The following CDC20B variants were observed in gnomAD, a reference collection of about 807,000 sequenced individuals.
CDC20B encodes the protein cell division cycle 20B.
CDC20B carries 58 observed loss-of-function variants against 64.1 expected under a neutral mutation model. That is an observed-to-expected ratio of 0.90 (90% CI 0.73 to 1.13). The LOEUF (loss-of-function observed/expected upper bound fraction) is 1.13. Among genes scored for constraint, CDC20B ranks in the 50% most tolerant of loss-of-function variants. CDC20B has a pLI of 0.00. For synonymous variants in CDC20B, 243 were observed against 230.6 expected (o/e 1.05, Z -0.49); for missense variants, 597 against 633.0 (o/e 0.94, Z 0.61).
At chr5:55,161,989 C>CG (rs1432968545) in intron 2 of CDC20B, among the ~76,000 whole-genome samples, 1 of 151,322 alleles carries the variant, frequency 6.6e-6, no homozygotes, top group Non-Finnish European at 1.5e-5. Flanking sequence ...TCAATAGTAC[C>CG]GCCTTCTTAA....
chr5:55,122,923 A>G (rs1367742895), intron 9 of CDC20B, among the ~76,000 whole-genome samples: 1 of 152,230 alleles, frequency 6.6e-6, no homozygotes, highest in Non-Finnish European at 1.5e-5. Flanking sequence ...ACATTTTCCC[A>G]GAATCCTTAC....
At chr5:55,172,788 C>A in intron 1 of CDC20B, 138 bp from the exon 2 acceptor site, 1 of 806,830 alleles carries the variant, frequency 1.2e-6, no homozygotes, top group South Asian at 1.7e-5. Context: ...CAACTAGGCA[C>A]CTTCAGAATA....
intron 2 of CDC20B, among the ~76,000 whole-genome samples, chr5:55,152,027 A>T (rs1246631835): frequency 1.3e-5 from 2 of 152,254 alleles, no homozygotes; most frequent in East Asian, 3.8e-4. Flanking sequence ...AGAGGAAGGC[A>T]GAGGGAGATG....
At position 55,113,074 on chromosome 5, in the gene CDC20B, CA is replaced by C. The variant is rs1162852673; in HGVS notation, c.*1143del. The C allele has an allele frequency of 6.6e-6, 1 of 152,122 alleles. No homozygotes were observed. Among genetic ancestry groups the C allele is most frequent in the Non-Finnish European group, 1.5e-5 (1 of 68,050 alleles). 9.4% of individuals were successfully genotyped at this position (152,122 alleles called of 1,614,324 possible). On this transcript the variant is annotated 3_prime_UTR_variant, in exon 12 of 12. Coordinates refer to ENST00000381375, the MANE Select transcript of CDC20B (RefSeq NM_001170402.1). ...AACTCAAACCCAGGTAACATCATTT[CA>C]AAACACTTCCTGGAGAGGTTAGGAC...
intron 2 of CDC20B, among the ~76,000 whole-genome samples, chr5:55,151,433 T>C (rs1480498927): frequency 1.3e-5 from 2 of 152,110 alleles, no homozygotes; most frequent in Admixed American, 1.3e-4. Flanking sequence ...GAAGATAAAC[T>C]TAGTTTGCAG....
Position 55,144,061 on chromosome 5 carries a change from A to G in CDC20B, c.356-418T>C, listed in dbSNP as rs1327029129. ...GATAGAAACAGTTCCATAGTTTTAA[A>G]TGATAGTGGAAAGAGTATCTGGTTT... On this transcript the variant is annotated intron_variant, in intron 3 of 11. Transcript: ENST00000381375. Among the ~76,000 whole-genome samples the G allele has an allele frequency of 2.0e-5, 3 of 152,020 alleles. No homozygotes were observed. The East Asian group carries it at 5.8e-4, about 29-fold the overall frequency.
chr5:55,161,170 A>G, intron 2 of CDC20B: 1 of 1,614,226 alleles, frequency 6.2e-7, no homozygotes, highest in Non-Finnish European at 8.5e-7. Context: ...CTTTTGCAAG[A>G]AAAAACTACG....
chr5:55,132,846 C>T (rs1377243203), intron 6 of CDC20B, among the ~76,000 whole-genome samples: 2 of 152,114 alleles, frequency 1.3e-5, no homozygotes, highest in African/African-American at 4.8e-5. Context: ...TTAACAATAC[C>T]AAAAATGGTC....
chr5:55,138,692 G>A lies in CDC20B; in HGVS notation c.580+1622C>T, dbSNP rs147728811. ...ATAAAATAATATTGTCAGAGATATA[G>A]GAGAAGATAGTATATCCATGAAGCA... On this transcript the variant is annotated intron_variant, in intron 5 of 11. Coordinates refer to ENST00000381375, the MANE Select transcript of CDC20B (RefSeq NM_001170402.1). Among the ~76,000 whole-genome samples the A allele has an allele frequency of 8.0e-5, 12 of 150,790 alleles. No homozygotes were observed. The East Asian group carries it at 2.3e-3, about 29-fold the overall frequency.
At chr5:55,133,283 T>C (rs1743075346) in intron 6 of CDC20B, 129 bp downstream of exon 6, 1 of 458,474 alleles carries the variant, frequency 2.2e-6, no homozygotes, top group African/African-American at 2.0e-5. Flanking sequence ...TTAGCCATAT[T>C]TGGATGCTAC....
chr5:55,140,011 C>CA (rs1174912608), intron 5 of CDC20B, among the ~76,000 whole-genome samples: 5 of 151,442 alleles, frequency 3.3e-5, no homozygotes, highest in African/African-American at 1.2e-4. Flanking sequence ...TGAGCAACAC[C>CA]AAAAACAAAA....
chr5:55,124,842 G>T lies in CDC20B; in HGVS notation c.1176C>A (p.Gly392=). ...ACTGGGTTATGACTTTCAGCGGTTG[G>T]CCCTGTGCACTGGCACCTGGATCGT... ...WPHDPGASAQ[G]QPLKVITQST... Residue 392 remains glycine, a synonymous_variant, in exon 9 of 12, where the codon GGC becomes GGA. Transcript: ENST00000381375. 1 of 1,614,118 alleles carries T rather than the reference G, an allele frequency of 6.2e-7. No homozygotes were observed. Among genetic ancestry groups the T allele is most frequent in the Non-Finnish European group, 8.5e-7 (1 of 1,180,012 alleles).
chr5:55,151,140 CT>C (rs1743656651), intron 2 of CDC20B, among the ~76,000 whole-genome samples: 1 of 152,204 alleles, frequency 6.6e-6, no homozygotes, highest in East Asian at 1.9e-4. Flanking sequence ...GCCCCAGAAA[CT>C]GAGGGAATCT....
intron 7 of CDC20B, among the ~76,000 whole-genome samples, chr5:55,127,812 C>T (rs996392373): frequency 1.3e-5 from 2 of 152,102 alleles, no homozygotes; most frequent in Admixed American, 6.5e-5. Flanking sequence ...TATTCTGATC[C>T]ACATGGGGAA....
chr5:55,171,372 C>G (rs950005141), intron 2 of CDC20B, among the ~76,000 whole-genome samples: 1 of 152,106 alleles, frequency 6.6e-6, no homozygotes, highest in African/African-American at 2.4e-5. Context: ...GTTTACTGAT[C>G]CAAAGACTAC....
At chr5:55,161,099 T>C in intron 2 of CDC20B, 2 of 1,614,192 alleles carry the variant, frequency 1.2e-6, no homozygotes, top group African/African-American at 1.3e-5. Context: ...CTTCAGCGTG[T>C]TGGCTTTTCC....
rs1743488640 is a variant in CDC20B, at chr5:55,146,720, T to G, written c.263A>C (p.Asp88Ala). 6.2e-7 allele frequency: 1 copy of G among 1,614,156 alleles called. No individual in the cohort carries two copies. Among genetic ancestry groups the G allele is most frequent in the African/African-American group, 1.3e-5 (1 of 75,018 alleles). ...GGTTGACTGCTCTTCCCCAAAGGAA[T>G]CAGAGGACAGAGCCCTAGTTTGACT... Reference protein sequence around the residue: ...QQSQTRALSSDSFGEEQSTTY... With the variant: ...QQSQTRALSSASFGEEQSTTY... The change falls in exon 3 of 12, where the codon GAT becomes GCT. Residue 88 changes from aspartate to alanine, a missense_variant. Physicochemically the swap from Asp to Ala is moderately radical, Grantham distance 126 (BLOSUM62 -2). Transcript: ENST00000381375.
rs1742839286 is a variant in CDC20B at position 55,124,861 on chromosome 5, G to A, written c.1157C>T (p.Pro386Leu). ...CGGTTGGCCCTGTGCACTGGCACCT[G>A]GATCGTGGGGCCATATTGTCAGCAG... The part of the protein sequence containing the change: ...DGLLTIWPHD[P>L]GASAQGQPLK... The change falls in exon 9 of 12, where the codon CCA becomes CTA. Residue 386 changes from proline (P) to leucine (L), a missense_variant. Physicochemically the swap from Pro to Leu is moderately conservative, Grantham distance 98. Around this residue, in one of 3 missense-constraint regions of CDC20B, gnomAD observed 353 missense variants for 397.0 expected, o/e 0.89. Coordinates refer to ENST00000381375, the MANE Select transcript of CDC20B (RefSeq NM_001170402.1). The A allele has an allele frequency of 6.2e-7, 1 of 1,614,160 alleles. No individual in the cohort carries two copies. The highest frequency in any genetic ancestry group is 8.5e-7 in the Non-Finnish European group (1 of 1,180,020).
chr5:55,160,023 T>TC, intron 2 of CDC20B: 1 of 588,814 alleles, frequency 1.7e-6, no homozygotes, highest in Non-Finnish European at 3.0e-6. Flanking sequence ...GCTCCTTGCT[T>TC]CATTCAGGAG....
Sources: allele counts gnomAD v4.1 joint callset (sites outside exome capture counted in the v4.1 genomes callset), GRCh38; gene constraint gnomAD v4.1.1; regional missense constraint gnomAD v4.1.1; transcripts MANE v1.5; gene names NCBI Gene and HGNC (gene_info 2026-07-23, HGNC 2026-07-21).